The following MCM9 variants were observed in gnomAD, a reference collection of about 807,000 sequenced individuals.
MCM9 encodes the protein DNA helicase MCM9.
Under a neutral mutation model 72.8 loss-of-function variants are expected in MCM9, and 55 were observed. The ratio of observed to expected loss-of-function variants is 0.76; its 90% confidence interval spans 0.61 to 0.95. The LOEUF (loss-of-function observed/expected upper bound fraction) is 0.95. MCM9 is among the 40% of genes least tolerant of loss of function. The pLI, the probability that MCM9 is intolerant of heterozygous loss-of-function variation, is 0.00. For missense variants in MCM9, 1,279 were observed against 1,377.0 expected, an observed-to-expected ratio of 0.93 and a Z score of 1.13; for synonymous variants, 480 against 503.4, an observed-to-expected ratio of 0.95 and a Z score of 0.62.
chr6:118,884,325 C>T (rs1778467428), intron 8 of MCM9, among the ~76,000 whole-genome samples: 1 of 151,924 alleles, frequency 6.6e-6, no homozygotes, highest in African/African-American at 2.4e-5. Context: ...ATAGAATTGA[C>T]AACATTTCTG....
At position 118,815,175 on chromosome 6, in the gene MCM9, C is replaced by T. The variant is rs1773329397; in HGVS notation, c.3081G>A (p.Gly1027=). 6.4e-7 allele frequency: 1 copy of T among 1,550,442 alleles called. No homozygotes were observed. Among genetic ancestry groups the T allele is most frequent in the Admixed American group, 2.0e-5 (1 of 50,974 alleles). ...QPELELGNET[G]CAHLTCEGDK... ...CTCCCTCACAAGTAAGATGAGCACA[C>T]CCAGTCTCGTTCCCAAGCTCTAATT... The change falls in exon 14 of 14, where the codon GGG becomes GGA. Residue 1027 remains glycine (G), a synonymous_variant. Coordinates refer to ENST00000619706, the MANE Select transcript of MCM9 (RefSeq NM_017696.3).
chr6:118,867,358 C>T lies in MCM9; in HGVS notation c.1151-10813G>A, dbSNP rs532256119. 7.9e-5 allele frequency among the ~76,000 whole-genome samples: 12 copies of T among 152,260 alleles called. No homozygotes were observed. The South Asian group carries it at 1.4e-3, about 18-fold the overall frequency. On this transcript the variant is annotated intron_variant, in intron 8 of 13. Coordinates refer to ENST00000619706, the MANE Select transcript of MCM9 (RefSeq NM_017696.3). ...TATAACGCTGTAACACAAAGCATTA[C>T]TTGTGTTTGTGGTGATGCTGGTGTA...
Position 118,871,684 on chromosome 6 carries a change from A to C in MCM9, c.1151-15139T>G, listed in dbSNP as rs550484895. On this transcript the variant is annotated intron_variant, in intron 8 of 13. Transcript: ENST00000619706. ...GTAATCCCAACACACTGGGAGGCCA[A>C]GGCGGGCAGATCACGAGGTCAGGAG... Among the ~76,000 whole-genome samples the C allele has an allele frequency of 2.0e-5, 3 of 152,302 alleles. No homozygotes were observed. In the South Asian group the frequency reaches 6.2e-4, roughly 32 times the overall value.
chr6:118,819,400 C>G (rs1244282985), intron 13 of MCM9, among the ~76,000 whole-genome samples: 12 of 152,124 alleles, frequency 7.9e-5, no homozygotes, highest in Non-Finnish European at 1.5e-4. Context: ...GTCACTGGTT[C>G]TGTTTATGTG....
rs576156080 is a variant in MCM9 at position 118,837,123 on chromosome 6, G to A, written c.1326-7873C>T. On this transcript the variant is annotated intron_variant, in intron 9 of 13. Transcript: ENST00000619706. ...ACTTATTTATTTCTGCCTTAATTTC[G>A]TTATTTACCCAGTAGTCATTCAGGA... 5.3e-5 allele frequency among the ~76,000 whole-genome samples: 8 copies of A among 152,200 alleles called. No individual in the cohort carries two copies. The East Asian group carries it at 5.8e-4, about 11-fold the overall frequency.
intron 9 of MCM9, among the ~76,000 whole-genome samples, chr6:118,837,440 G>A (rs149558207): frequency 5.6e-4 from 85 of 152,200 alleles, no homozygotes; most frequent in African/African-American, 2.0e-3. Flanking sequence ...TTTCTGTCTC[G>A]TTGATCTGTC....
At chr6:118,926,992 G>A (rs1025270139) in intron 3 of MCM9, among the ~76,000 whole-genome samples, 2 of 152,026 alleles carry the variant, frequency 1.3e-5, no homozygotes, top group African/African-American at 2.4e-5. Flanking sequence ...ACGAAGGAAG[G>A]TAAAAAGGAG....
intron 8 of MCM9, among the ~76,000 whole-genome samples, chr6:118,877,770 A>G (rs985397850): frequency 6.6e-6 from 1 of 152,244 alleles, no homozygotes; most frequent in Non-Finnish European, 1.5e-5. Flanking sequence ...AAAATTCTTC[A>G]TAATAGTTAA....
chr6:118,916,471 TA>T (rs1216897573), intron 6 of MCM9, among the ~76,000 whole-genome samples: 3 of 146,644 alleles, frequency 2.0e-5, no homozygotes, highest in East Asian at 2.0e-4. Flanking sequence ...TTATTATTAT[TA>T]TTATGAGACA....
rs1298913510 is a variant in MCM9, at chr6:118,814,967, G to T, written c.3289C>A (p.Arg1097Ser). The change falls in exon 14 of 14, where the codon CGT (arginine) becomes AGT (serine). Residue 1097 changes from arginine (R) to serine (S), a missense_variant. Transcript: ENST00000619706. ...TGAAAAGATTTCCTTTTACTGACACGCATTGGAGCTGTGGTTGTAGGAGGG... is the reference window on the plus strand; with the variant it reads ...TGAAAAGATTTCCTTTTACTGACACTCATTGGAGCTGTGGTTGTAGGAGGG... ...SSPPTTTAPM[R>S]VSKRKSFQLR... 1 of 1,550,306 alleles carries T rather than the reference G, an allele frequency of 6.5e-7. No individual in the cohort carries two copies. Among genetic ancestry groups the T allele is most frequent in the African/African-American group, 1.4e-5 (1 of 73,050 alleles).
intron 8 of MCM9, 57 bp downstream of exon 8, chr6:118,911,592 AC>A: frequency 6.5e-7 from 1 of 1,535,202 alleles, no homozygotes; most frequent in South Asian, 1.3e-5. Flanking sequence ...ATTAGAAAAA[AC>A]CATTGTGTTA....
intron 8 of MCM9, chr6:118,910,566 T>C: frequency 1.0e-6 from 1 of 959,238 alleles, no homozygotes; most frequent in Non-Finnish European, 1.2e-6. Context: ...CTTGACACTC[T>C]ACATAATTAC....
At chr6:118,845,223 A>C (rs1004823074) in intron 9 of MCM9, among the ~76,000 whole-genome samples, 2 of 151,920 alleles carry the variant, frequency 1.3e-5, no homozygotes, top group South Asian at 2.1e-4. Flanking sequence ...CCTGAGTCAT[A>C]ATAACGAAGA....
chr6:118,900,698 G>C, intron 8 of MCM9: 2 of 1,117,082 alleles, frequency 1.8e-6, no homozygotes, highest in Non-Finnish European at 2.7e-6. Context: ...GACATTAAAA[G>C]GGTCTTTGAT....
chr6:118,828,260 G>C, intron 10 of MCM9, 130 bp from the exon 11 acceptor site: 1 of 719,832 alleles, frequency 1.4e-6, no homozygotes, highest in South Asian at 1.9e-5. Flanking sequence ...TTGAAATCTA[G>C]ACTTGTCTGC....
chr6:118,843,534 A>G, intron 9 of MCM9, among the ~76,000 whole-genome samples: 1 of 150,542 alleles, frequency 6.6e-6, no homozygotes, highest in Non-Finnish European at 1.5e-5. Flanking sequence ...AGGCTGAGAC[A>G]GGAGACTTGC....
intron 9 of MCM9, among the ~76,000 whole-genome samples, chr6:118,849,070 T>C (rs1261970317): frequency 1.3e-5 from 2 of 151,906 alleles, no homozygotes; most frequent in Admixed American, 1.3e-4. Context: ...CGATTGTTCA[T>C]AAAGCTAAGC....
At chr6:118,928,353 G>A (rs1315207656) in intron 3 of MCM9, among the ~76,000 whole-genome samples, 2 of 152,140 alleles carry the variant, frequency 1.3e-5, no homozygotes, top group African/African-American at 4.8e-5. Flanking sequence ...AGAGGTTGCA[G>A]TGAACCGAGA....
intron 9 of MCM9, among the ~76,000 whole-genome samples, chr6:118,838,712 T>C (rs1235408496): frequency 6.6e-6 from 1 of 152,234 alleles, no homozygotes; most frequent in Non-Finnish European, 1.5e-5. Context: ...TGAGCCACTG[T>C]GCCCGGCCGA....
Sources: gnomAD v4.1 joint callset for allele counts (sites outside exome capture counted in the v4.1 genomes callset) on GRCh38, gnomAD v4.1.1 for gene constraint, MANE v1.5 for transcripts, NCBI Gene and HGNC (gene_info 2026-07-23, HGNC 2026-07-21) for gene names.